The following CDYL2 variants were observed in gnomAD, a reference collection of about 807,000 sequenced individuals.
CDYL2 encodes chromodomain Y-like protein 2.
A neutral mutation model predicts 49.4 loss-of-function variants in CDYL2; 23 were observed. The observed-to-expected ratio is 0.47, with a 90% CI of 0.34 to 0.66. The LOEUF (loss-of-function observed/expected upper bound fraction) is 0.66. Among genes scored for constraint, CDYL2 ranks in the 30% least tolerant of loss-of-function variants. The pLI, the probability that CDYL2 is intolerant of heterozygous loss-of-function variation, is 0.01. For missense variants in CDYL2, 678 were observed against 656.4 expected, an observed-to-expected ratio of 1.03 and a Z score of -0.36; for synonymous variants, 360 against 268.8, an observed-to-expected ratio of 1.34 and a Z score of -3.32.
chr16:80,631,923 C>T (rs13338430), intron 3 of CDYL2, among the ~76,000 whole-genome samples: 8,472 of 152,226 alleles, frequency 0.056, 712 homozygotes, highest in African/African-American at 0.18. Context: ...ACCTAGAACC[C>T]TCACATACTA....
At chr16:80,796,234 T>C (rs949651118) in intron 1 of CDYL2, among the ~76,000 whole-genome samples, 1 of 152,214 alleles carries the variant, frequency 6.6e-6, no homozygotes, top group East Asian at 1.9e-4. Flanking sequence ...AGTTCTAGTT[T>C]TGAGGCCTTT....
intron 1 of CDYL2, among the ~76,000 whole-genome samples, chr16:80,739,881 G>C (rs1471951488): frequency 6.6e-6 from 1 of 152,180 alleles, no homozygotes; most frequent in African/African-American, 2.4e-5. Context: ...CTGAAATGCT[G>C]ATCTGGGCTA....
intron 4 of CDYL2, among the ~76,000 whole-genome samples, chr16:80,620,543 G>A (rs538347540): frequency 1.8e-4 from 27 of 152,338 alleles, no homozygotes; most frequent in Admixed American, 7.2e-4. Flanking sequence ...CAGGACCATG[G>A]TTAGAGATGA....
chr16:80,629,972 A>G (rs1907483734), intron 3 of CDYL2, among the ~76,000 whole-genome samples: 1 of 152,336 alleles, frequency 6.6e-6, no homozygotes, highest in East Asian at 1.9e-4. Context: ...TAAAATTTCT[A>G]TAAAGGAGGA....
rs562379682 is a variant in CDYL2 at position 80,768,068 on chromosome 16, C to G, written c.24+36082G>C. ...GTTCATATAAGCTAACACCAGGATT[C>G]TAAAAGGCAAAGCCCATTCCCCCAC... On this transcript the variant is annotated intron_variant, in intron 1 of 6. Coordinates refer to ENST00000570137, the MANE Select transcript of CDYL2 (RefSeq NM_152342.4). 2.6e-5 allele frequency among the ~76,000 whole-genome samples: 4 copies of G among 152,290 alleles called. No homozygotes were observed. The South Asian group carries it at 6.2e-4, about 24-fold the overall frequency.
chr16:80,652,039 A>G (rs1908606093), intron 2 of CDYL2, among the ~76,000 whole-genome samples: 1 of 152,228 alleles, frequency 6.6e-6, no homozygotes, highest in Admixed American at 6.5e-5. Flanking sequence ...ATACAGAAAT[A>G]TCTATAGATA....
At chr16:80,651,316 C>G (rs1056942656) in intron 2 of CDYL2, among the ~76,000 whole-genome samples, 1 of 151,894 alleles carries the variant, frequency 6.6e-6, no homozygotes, top group African/African-American at 2.4e-5. Flanking sequence ...ATAGTAAATG[C>G]GTATTACTAA....
At chr16:80,683,573 GTGCAGGA>G (rs113027603) in intron 2 of CDYL2, among the ~76,000 whole-genome samples, 86,887 of 151,514 alleles carry the variant, frequency 0.57, 25,603 homozygotes, top group Middle Eastern at 0.73. Flanking sequence ...GAAAGAATTA[GTGCAGGA>G]TGAGGTCAAG....
At chr16:80,765,550 G>A (rs892738188) in intron 1 of CDYL2, among the ~76,000 whole-genome samples, 1 of 151,832 alleles carries the variant, frequency 6.6e-6, no homozygotes, top group Non-Finnish European at 1.5e-5. Flanking sequence ...CTAAGACTCT[G>A]CAGTTCCTAG....
intron 1 of CDYL2, among the ~76,000 whole-genome samples, chr16:80,750,054 G>T (rs1370053090): frequency 6.7e-6 from 1 of 149,918 alleles, no homozygotes; most frequent in Non-Finnish European, 1.5e-5. Context: ...TTGGACAGAG[G>T]AAGGGGAACA....
intron 1 of CDYL2, among the ~76,000 whole-genome samples, chr16:80,732,763 G>A (rs1012433700): frequency 3.9e-5 from 6 of 152,204 alleles, no homozygotes; most frequent in African/African-American, 9.6e-5. Flanking sequence ...TTGGCAGACT[G>A]TGATGTAAGA....
At chr16:80,665,892 G>T (rs1387799552) in intron 2 of CDYL2, among the ~76,000 whole-genome samples, 1 of 152,160 alleles carries the variant, frequency 6.6e-6, no homozygotes, top group Non-Finnish European at 1.5e-5. Flanking sequence ...GCACCCAGGG[G>T]CTGTCCCTCT....
At chr16:80,780,015 T>C (rs1050607940) in intron 1 of CDYL2, among the ~76,000 whole-genome samples, 2 of 152,168 alleles carry the variant, frequency 1.3e-5, no homozygotes, top group African/African-American at 4.8e-5. Flanking sequence ...AGATGACACA[T>C]GAACACCTAT....
rs1245251871 is a variant in CDYL2 at position 80,674,879 on chromosome 16, T to A, written c.616+9659A>T. 2.6e-5 allele frequency among the ~76,000 whole-genome samples: 4 copies of A among 152,258 alleles called. No individual in the cohort carries two copies. In the East Asian group the frequency reaches 7.7e-4, roughly 29 times the overall value. ...CATTTCTTCTAGCATTGAAATAAAC[T>A]TTGACAATTGAGGGAGTCCCCTTTA... On this transcript the variant is annotated intron_variant, in intron 2 of 6. Coordinates refer to ENST00000570137, the MANE Select transcript of CDYL2 (RefSeq NM_152342.4).
At chr16:80,714,690 A>C (rs534793538) in intron 1 of CDYL2, among the ~76,000 whole-genome samples, 1 of 152,242 alleles carries the variant, frequency 6.6e-6, no homozygotes, top group African/African-American at 2.4e-5. Context: ...AGCATACCTT[A>C]CATCAATGCC....
chr16:80,787,667 C>T (rs976032514), intron 1 of CDYL2, among the ~76,000 whole-genome samples: 7 of 152,230 alleles, frequency 4.6e-5, no homozygotes, highest in African/African-American at 9.6e-5. Context: ...TCTCTATTCC[C>T]GTTGAGTTCC....
intron 1 of CDYL2, among the ~76,000 whole-genome samples, chr16:80,799,951 A>G (rs1307130747): frequency 6.6e-6 from 1 of 152,228 alleles, no homozygotes; most frequent in Non-Finnish European, 1.5e-5. Flanking sequence ...CTGCTAGTAC[A>G]TGTATTTCTT....
intron 1 of CDYL2, among the ~76,000 whole-genome samples, chr16:80,687,726 C>A (rs1567571694): frequency 6.6e-6 from 1 of 152,130 alleles, no homozygotes; most frequent in African/African-American, 2.4e-5. Flanking sequence ...TGTTTTAAAT[C>A]CCCTGCTATG....
Position 80,769,147 on chromosome 16 carries a change from G to A in CDYL2, c.24+35003C>T, listed in dbSNP as rs556788907. Among the ~76,000 whole-genome samples the A allele has an allele frequency of 9.3e-4, 142 of 152,286 alleles. 2 individuals carry two copies. The highest frequency in any genetic ancestry group is 3.2e-3 in the African/African-American group (134 of 41,562). ...GGCTACAGCCATGCCCAGAGCCAGTGACTCTACATTTCACAAGTAAATGAA... is the reference window on the plus strand; with the variant it reads ...GGCTACAGCCATGCCCAGAGCCAGTAACTCTACATTTCACAAGTAAATGAA... On this transcript the variant is annotated intron_variant, in intron 1 of 6. Transcript: ENST00000570137.
Sources: allele counts gnomAD v4.1 joint callset (sites outside exome capture counted in the v4.1 genomes callset), GRCh38; gene constraint gnomAD v4.1.1; transcripts MANE v1.5; gene names NCBI Gene and HGNC (gene_info 2026-07-23, HGNC 2026-07-21).